The following HS6ST3 variants were observed in gnomAD, a reference collection of about 807,000 sequenced individuals.
HS6ST3 encodes heparan sulfate 6-O-sulfotransferase 3, also known as heparan-sulfate 6-O-sulfotransferase 3.
A neutral mutation model predicts 36.7 loss-of-function variants in HS6ST3; 12 were observed. The observed-to-expected ratio is 0.33, with a 90% CI of 0.21 to 0.53. The LOEUF (loss-of-function observed/expected upper bound fraction) is 0.53, where lower values mean the gene tolerates loss of function less well. HS6ST3 is among the 20% of genes least tolerant of loss of function. The pLI is 0.95. For missense variants in HS6ST3, 584 were observed against 640.9 expected (o/e 0.91, Z 0.96); for synonymous variants, 240 against 257.5 (o/e 0.93, Z 0.65).
chr13:96,623,947 A>G (rs2056503713), intron 1 of HS6ST3, among the ~76,000 whole-genome samples: 1 of 152,186 alleles, frequency 6.6e-6, no homozygotes, highest in South Asian at 2.1e-4. Flanking sequence ...TTAAGATTGC[A>G]TAATTATATT....
chr13:96,459,338 T>C (rs770725156), intron 1 of HS6ST3, among the ~76,000 whole-genome samples: 3 of 152,080 alleles, frequency 2.0e-5, no homozygotes, highest in African/African-American at 4.8e-5. Context: ...GTTCTGAGCC[T>C]GAGATATCAC....
At chr13:96,353,305 T>C (rs562449891) in intron 1 of HS6ST3, among the ~76,000 whole-genome samples, 1 of 152,166 alleles carries the variant, frequency 6.6e-6, no homozygotes, top group South Asian at 2.1e-4. Flanking sequence ...TCTTCATTAC[T>C]GAAGATAGTA....
intron 1 of HS6ST3, among the ~76,000 whole-genome samples, chr13:96,475,516 T>C (rs996446801): frequency 2.0e-5 from 3 of 151,168 alleles, no homozygotes; most frequent in Admixed American, 1.3e-4. Flanking sequence ...GCATGTCCCT[T>C]GACCATCAGC....
intron 1 of HS6ST3, among the ~76,000 whole-genome samples, chr13:96,802,983 T>C (rs1878116747): frequency 6.6e-6 from 1 of 152,246 alleles, no homozygotes; most frequent in Middle Eastern, 3.4e-3. Context: ...ACCTCCCTCA[T>C]CCCCAATAAC....
At chr13:96,406,776 G>A (rs1268537861) in intron 1 of HS6ST3, among the ~76,000 whole-genome samples, 1 of 152,140 alleles carries the variant, frequency 6.6e-6, no homozygotes, top group Non-Finnish European at 1.5e-5. Flanking sequence ...TTTATATCAG[G>A]TATTTTGTCT....
intron 1 of HS6ST3, among the ~76,000 whole-genome samples, chr13:96,784,594 T>C (rs1278836195): frequency 6.6e-6 from 1 of 152,204 alleles, no homozygotes; most frequent in Non-Finnish European, 1.5e-5. Flanking sequence ...TTCAAACAAC[T>C]AATTAGTCAG....
chr13:96,461,623 G>T (rs888011491), intron 1 of HS6ST3, among the ~76,000 whole-genome samples: 33 of 152,258 alleles, frequency 2.2e-4, no homozygotes, highest in Non-Finnish European at 5.9e-5. Context: ...AATCTGAAGA[G>T]GCCAAAACTT....
intron 1 of HS6ST3, chr13:96,574,302 G>A (rs902280935): frequency 2.4e-5 from 9 of 379,370 alleles, no homozygotes; most frequent in South Asian, 6.7e-5. Flanking sequence ...GGCATCAAAC[G>A]TACCGCCTCA....
chr13:96,199,892 A>G (rs1462651887), intron 1 of HS6ST3, among the ~76,000 whole-genome samples: 1 of 151,988 alleles, frequency 6.6e-6, no homozygotes, highest in African/African-American at 2.4e-5. Flanking sequence ...GCCAAATGAG[A>G]ATAAGATTAA....
intron 1 of HS6ST3, among the ~76,000 whole-genome samples, chr13:96,604,346 C>A (rs1463025942): frequency 6.6e-6 from 1 of 152,098 alleles, no homozygotes; most frequent in African/African-American, 2.4e-5. Flanking sequence ...GGGTATAATT[C>A]AAATTTCCAT....
chr13:96,200,734 T>C (rs1371610751), intron 1 of HS6ST3, among the ~76,000 whole-genome samples: 1 of 152,224 alleles, frequency 6.6e-6, no homozygotes, highest in African/African-American at 2.4e-5. Context: ...CCTAGAACAA[T>C]GCCCAGCTAT....
At chr13:96,450,885 C>A (rs1272320309) in intron 1 of HS6ST3, among the ~76,000 whole-genome samples, 1 of 152,104 alleles carries the variant, frequency 6.6e-6, no homozygotes, top group Non-Finnish European at 1.5e-5. Flanking sequence ...TGGTGTTAGA[C>A]AAACACTTGG....
intron 1 of HS6ST3, among the ~76,000 whole-genome samples, chr13:96,451,748 G>A (rs1419241021): frequency 6.6e-6 from 1 of 152,106 alleles, no homozygotes; most frequent in Non-Finnish European, 1.5e-5. Flanking sequence ...TTATAGATAT[G>A]GTTCTAGAAA....
intron 1 of HS6ST3, among the ~76,000 whole-genome samples, chr13:96,762,381 G>A (rs1308147788): frequency 6.6e-6 from 1 of 152,132 alleles, no homozygotes; most frequent in Non-Finnish European, 1.5e-5. Context: ...CTGGGAGGCT[G>A]AGGCAAGAGA....
At chr13:96,169,762 A>C (rs1360991054) in intron 1 of HS6ST3, 1 of 152,310 alleles carries the variant, frequency 6.6e-6, no homozygotes, top group Non-Finnish European at 1.5e-5. Flanking sequence ...GGAGCTGATC[A>C]AAACTCCTGT....
intron 1 of HS6ST3, among the ~76,000 whole-genome samples, chr13:96,499,237 G>T (rs1345349793): frequency 1.3e-5 from 2 of 151,894 alleles, no homozygotes; most frequent in Non-Finnish European, 2.9e-5. Context: ...TGTTGGCCAG[G>T]GTGGTCTCAA....
intron 1 of HS6ST3, among the ~76,000 whole-genome samples, chr13:96,151,714 G>GT (rs1314182561): frequency 6.6e-6 from 1 of 152,188 alleles, no homozygotes; most frequent in African/African-American, 2.4e-5. Context: ...TCTGAAACGT[G>GT]TATGAAAGCA....
At chr13:96,253,242 C>A (rs535937626) in intron 1 of HS6ST3, among the ~76,000 whole-genome samples, 28 of 152,106 alleles carry the variant, frequency 1.8e-4, no homozygotes, top group African/African-American at 6.7e-4. Context: ...CCTTCCCCTA[C>A]CCCTTGCTCC....
At chr13:96,426,203 G>A (rs9516692) in intron 1 of HS6ST3, among the ~76,000 whole-genome samples, 73,907 of 151,774 alleles carry the variant, frequency 0.49, 18,510 homozygotes, top group Non-Finnish European at 0.56. Context: ...TCACAGCTGT[G>A]TAATTATGTA....
Sources: allele counts gnomAD v4.1 joint callset (sites outside exome capture counted in the v4.1 genomes callset), GRCh38; gene constraint gnomAD v4.1.1; transcripts MANE v1.5; gene names NCBI Gene and HGNC (gene_info 2026-07-23, HGNC 2026-07-21).